The following DLC1 variants were observed in gnomAD, a reference collection of about 807,000 sequenced individuals.
DLC1 encodes the protein rho GTPase-activating protein 7.
Under a neutral mutation model 140.3 loss-of-function variants are expected in DLC1, and 54 were observed. That is an observed-to-expected ratio of 0.38 (90% CI 0.31 to 0.48). The LOEUF (loss-of-function observed/expected upper bound fraction) is 0.48, where lower values mean the gene tolerates loss of function less well. Among genes scored for constraint, DLC1 ranks in the 20% least tolerant of loss-of-function variants. The pLI is 0.96. For synonymous variants in DLC1, 986 were observed against 728.1 expected, an observed-to-expected ratio of 1.35 and a Z score of -5.70; for missense variants, 2,536 against 1,907.0, an observed-to-expected ratio of 1.33 and a Z score of -6.14.
intron 5 of DLC1, among the ~76,000 whole-genome samples, chr8:13,282,829 G>T (rs1296078217): frequency 1.3e-5 from 2 of 152,044 alleles, no homozygotes; most frequent in African/African-American, 4.8e-5. Context: ...GTGTCTTTTT[G>T]ATGAGACTGA....
intron 3 of DLC1, among the ~76,000 whole-genome samples, chr8:13,396,711 C>T (rs1457274379): frequency 6.6e-6 from 1 of 152,262 alleles, no homozygotes. Flanking sequence ...AGGCCTCAAA[C>T]ACAACTAAAT....
intron 5 of DLC1, among the ~76,000 whole-genome samples, chr8:13,300,506 C>T (rs993885537): frequency 6.6e-6 from 1 of 152,172 alleles, no homozygotes; most frequent in African/African-American, 2.4e-5. Context: ...ATCCCCCTCC[C>T]CCAGTCTCCT....
chr8:13,487,577 CTTTTTTT>C (rs36124888), intron 2 of DLC1, among the ~76,000 whole-genome samples: 2 of 143,756 alleles, frequency 1.4e-5, no homozygotes, highest in East Asian at 4.1e-4. Flanking sequence ...AAATGTTTTC[CTTTTTTT>C]TTTTTTTGAA....
intron 8 of DLC1, among the ~76,000 whole-genome samples, chr8:13,101,981 A>C (rs1563600981): frequency 2.0e-5 from 3 of 152,098 alleles, no homozygotes; most frequent in Non-Finnish European, 4.4e-5. Context: ...GCAAGCATGG[A>C]GCGCTGGCTT....
chr8:13,570,557 G>C (rs1804617276), intron 1 of DLC1, among the ~76,000 whole-genome samples: 1 of 143,326 alleles, frequency 7.0e-6, no homozygotes, highest in Admixed American at 7.3e-5. Flanking sequence ...TTGGTTTTTT[G>C]TTCTTGCGAT....
chr8:13,139,902 CATAAT>C (rs1261176959), intron 5 of DLC1, among the ~76,000 whole-genome samples: 1 of 152,218 alleles, frequency 6.6e-6, no homozygotes, highest in Non-Finnish European at 1.5e-5. Flanking sequence ...GTCAAATATA[CATAAT>C]ATAAAATTTA....
Position 13,172,099 on chromosome 8 carries a change from C to G in DLC1, c.1349-56442G>C, listed in dbSNP as rs113780614. Reference sequence around the variant, plus strand: ...CTTCATCTATATGGCATTATTCTTACGATAACAAAACATTTTATAGATGTC... The same window carrying G: ...CTTCATCTATATGGCATTATTCTTAGGATAACAAAACATTTTATAGATGTC... On this transcript the variant is annotated intron_variant, in intron 5 of 17. Transcript: ENST00000276297. 6.6e-5 allele frequency among the ~76,000 whole-genome samples: 10 copies of G among 152,206 alleles called. No homozygotes were observed. In the East Asian group the frequency reaches 1.9e-3, roughly 29 times the overall value.
rs914259956 is a variant in DLC1 at position 13,084,814 on chromosome 8, T to C, written c.*997A>G. On this transcript the variant is annotated 3_prime_UTR_variant, in exon 18 of 18. Coordinates refer to ENST00000276297, the MANE Select transcript of DLC1 (RefSeq NM_182643.3). ...TCCTTGGGACACACATAGTTTCCTA[T>C]ATTCCCAAACATAGTGTCTTAAGGC... is the stretch of plus-strand genomic sequence containing the variant. 2.0e-5 allele frequency: 3 copies of C among 152,202 alleles called. No individual in the cohort carries two copies. The highest frequency in any genetic ancestry group is 1.9e-4 in the East Asian group (1 of 5,198). 9.4% of individuals were successfully genotyped at this position (152,202 alleles called of 1,614,324 possible).
At chr8:13,198,721 C>CTT (rs56695508) in intron 5 of DLC1, among the ~76,000 whole-genome samples, 5 of 141,196 alleles carry the variant, frequency 3.5e-5, no homozygotes, top group South Asian at 4.5e-4. Context: ...CTTGGCATGG[C>CTT]TTTTTTTTTT....
At chr8:13,153,481 C>T (rs558724140) in intron 5 of DLC1, among the ~76,000 whole-genome samples, 5 of 152,178 alleles carry the variant, frequency 3.3e-5, no homozygotes, top group African/African-American at 4.8e-5. Context: ...CCAAAGCTTC[C>T]ACAGTGTGGA....
chr8:13,089,853 C>G (rs1185010556), intron 15 of DLC1, among the ~76,000 whole-genome samples: 3 of 152,148 alleles, frequency 2.0e-5, no homozygotes, highest in African/African-American at 7.2e-5. Context: ...GATCCCCGCT[C>G]ATTAAAGGGC....
chr8:13,101,008 G>T (rs776319442), intron 8 of DLC1: 57 of 422,068 alleles, frequency 1.4e-4, no homozygotes, highest in Admixed American at 2.1e-4. Context: ...TCCCACCTGA[G>T]CCTCCCAAAG....
chr8:13,193,357 A>T, intron 5 of DLC1, among the ~76,000 whole-genome samples: 1 of 152,194 alleles, frequency 6.6e-6, no homozygotes, highest in East Asian at 1.9e-4. Flanking sequence ...TTAGGGGAGA[A>T]GAGACCCATT....
At chr8:13,514,007 G>A (rs371991568) in intron 1 of DLC1, among the ~76,000 whole-genome samples, 1 of 151,208 alleles carries the variant, frequency 6.6e-6, no homozygotes, top group East Asian at 1.9e-4. Context: ...ATTTAGGACA[G>A]AAATAATTCC....
rs546737774 is a variant in DLC1, at chr8:13,360,248, C to G, written c.1314+33305G>C. The stretch of plus-strand genomic sequence containing the variant: ...TACATAAAACACTCAGTACAGAGCT[C>G]TACACAGAACGAACACTCAATAGAC... On this transcript the variant is annotated intron_variant, in intron 4 of 17. Transcript: ENST00000276297. Among the ~76,000 whole-genome samples, 27 of 152,310 alleles carry G rather than the reference C, an allele frequency of 1.8e-4. 1 individual carries two copies. In the South Asian group the frequency reaches 5.6e-3, roughly 32 times the overall value.
chr8:13,398,973 C>A (rs888322117), intron 3 of DLC1, among the ~76,000 whole-genome samples: 1 of 152,042 alleles, frequency 6.6e-6, no homozygotes, highest in Non-Finnish European at 1.5e-5. Flanking sequence ...GAGATAAGTG[C>A]AAGTAAAATT....
chr8:13,088,801 T>C (rs1817791752), intron 15 of DLC1, 97 bp from the exon 16 acceptor site: 2 of 891,664 alleles, frequency 2.2e-6, no homozygotes, highest in Admixed American at 2.5e-5. Flanking sequence ...TAGTTACATA[T>C]AATCAACGTT....
At chr8:13,319,606 G>T (rs571070266) in intron 4 of DLC1, among the ~76,000 whole-genome samples, 4 of 152,114 alleles carry the variant, frequency 2.6e-5, no homozygotes, top group African/African-American at 7.2e-5. Context: ...TGTAGGATGC[G>T]CCTGTTTCCC....
intron 5 of DLC1, chr8:13,304,478 C>T (rs1832334507): frequency 5.2e-6 from 1 of 192,034 alleles, no homozygotes; most frequent in Admixed American, 6.5e-5. Context: ...CAGCAAACAC[C>T]CCCGCCAGAC....
Sources: allele counts gnomAD v4.1 joint callset (sites outside exome capture counted in the v4.1 genomes callset), GRCh38; gene constraint gnomAD v4.1.1; transcripts MANE v1.5; gene names NCBI Gene and HGNC (gene_info 2026-07-23, HGNC 2026-07-21).